PRAMEF15: variants seen among roughly 807,000 people sequenced by gnomAD.
The protein encoded by PRAMEF15 is PRAME family member 15, also known as PRAME family member 9/15.
PRAMEF15 carries 21 observed loss-of-function variants against 35.3 expected under a neutral mutation model. The ratio of observed to expected loss-of-function variants is 0.59; its 90% CI spans 0.42 to 0.86. PRAMEF15 has a LOEUF of 0.86. Ranked by LOEUF, PRAMEF15 falls within the 40% of genes least tolerant of loss-of-function variation. The pLI, the probability that PRAMEF15 is intolerant of heterozygous loss-of-function variation, is 0.00. For synonymous variants in PRAMEF15, 122 were observed against 223.3 expected, an observed-to-expected ratio of 0.55 and a Z score of 4.05; for missense variants, 360 against 574.1, an observed-to-expected ratio of 0.63 and a Z score of 3.81.
chr1:13,321,022 G>A (rs1261581178), intron 3 of PRAMEF15, among the ~76,000 whole-genome samples: 3 of 151,978 alleles, frequency 2.0e-5, no homozygotes, highest in South Asian at 4.1e-4. Flanking sequence ...CCTACAGCCC[G>A]CCCACCCCAG....
At position 13,319,390 on chromosome 1, in the gene PRAMEF15, G is replaced by C; in HGVS notation, c.312G>C (p.Val104=). The C allele has an allele frequency of 1.2e-6, 2 of 1,611,404 alleles. No homozygotes were observed. Among genetic ancestry groups the C allele is most frequent in the Non-Finnish European group, 1.7e-6 (2 of 1,179,826 alleles). Residue 104 remains valine, a synonymous_variant, in exon 3 of 4, where the codon GTG becomes GTC. Transcript: ENST00000376152. The part of the protein sequence containing the change: ...GVRPRRWKLQ[V]LDLQDVCENF... ...GCCACAGGAGGTGGAAACTCCAAGT[G>C]CTGGATTTACAGGATGTCTGTGAGA...
rs1299727821 is a variant in PRAMEF15 at position 13,316,437 on chromosome 1, A to G, written c.-17+779A>G. Among the ~76,000 whole-genome samples the G allele has an allele frequency of 2.8e-3, 424 of 151,634 alleles. 5 individuals are homozygous for G. The highest frequency in any genetic ancestry group is 4.3e-3 in the Non-Finnish European group (294 of 67,992). On this transcript the variant is annotated intron_variant, in intron 1 of 3. Transcript: ENST00000376152. ...AGAGACACTCTGTCCAAAAACAAAA[A>G]CAAAATCAATCAAAAAGGATCTTTG... is the stretch of plus-strand genomic sequence containing the variant.
At chr1:13,318,264 G>A in intron 1 of PRAMEF15, 128 bp from the exon 2 acceptor site, 1 of 1,517,308 alleles carries the variant, frequency 6.6e-7, no homozygotes, top group Non-Finnish European at 9.0e-7. Flanking sequence ...TGAGTACAGA[G>A]TAGAATTGGA....
At chr1:13,321,241 G>A (rs1283178578) in intron 3 of PRAMEF15, among the ~76,000 whole-genome samples, 15 of 140,696 alleles carry the variant, frequency 1.1e-4, no homozygotes, top group Non-Finnish European at 3.1e-5. Flanking sequence ...TCAAAACAGA[G>A]TCTCTCTCTG....
intron 3 of PRAMEF15, among the ~76,000 whole-genome samples, chr1:13,320,955 A>C (rs1192750308): frequency 6.6e-6 from 1 of 152,102 alleles, no homozygotes; most frequent in African/African-American, 2.4e-5. Context: ...GGGAGCAGGC[A>C]CAAAGAATGG....
chr1:13,317,568 G>A (rs1414066925), intron 1 of PRAMEF15, among the ~76,000 whole-genome samples: 1 of 151,910 alleles, frequency 6.6e-6, no homozygotes, highest in Non-Finnish European at 1.5e-5. Context: ...AGGAGTTCAA[G>A]ACCAGCTTGG....
At chr1:13,316,653 C>A (rs1640009365) in intron 1 of PRAMEF15, among the ~76,000 whole-genome samples, 1 of 151,768 alleles carries the variant, frequency 6.6e-6, no homozygotes, top group Non-Finnish European at 1.5e-5. Context: ...AGACTCAGCT[C>A]CCTCAGCACC....
At chr1:13,316,663 CA>C (rs1200268843) in intron 1 of PRAMEF15, among the ~76,000 whole-genome samples, 3 of 151,326 alleles carry the variant, frequency 2.0e-5, no homozygotes, top group Non-Finnish European at 4.4e-5. Context: ...CCCTCAGCAC[CA>C]AAAAAAATTA....
At chr1:13,315,830 A>C (rs1481861774) in intron 1 of PRAMEF15, among the ~76,000 whole-genome samples, 172 bp downstream of exon 1, 2 of 145,770 alleles carry the variant, frequency 1.4e-5, no homozygotes, top group Admixed American at 6.9e-5. Flanking sequence ...TTCTGTCTTT[A>C]TTTCAAAAAA....
rs1245720516 is a variant in PRAMEF15, at chr1:13,319,403, G to A, written c.325G>A (p.Asp109Asn). ...GAAACTCCAAGTGCTGGATTTACAG[G>A]ATGTCTGTGAGAACTTCTGGATGGT... Reference protein sequence around the residue: ...RWKLQVLDLQDVCENFWMVWS... With the variant: ...RWKLQVLDLQNVCENFWMVWS... Residue 109 changes from aspartate to asparagine, a missense_variant, in exon 3 of 4, where the codon GAT becomes AAT. Asp to Asn is a conservative substitution (Grantham distance 23). This residue lies in a region of PRAMEF15 where 44 missense variants were observed against 25.9 expected (regional missense o/e 1.70). Transcript: ENST00000376152. The A allele has an allele frequency of 6.2e-7, 1 of 1,611,942 alleles. No homozygotes were observed. The highest frequency in any genetic ancestry group is 8.5e-7 in the Non-Finnish European group (1 of 1,179,826).
chr1:13,316,570 G>T (rs1478347561), intron 1 of PRAMEF15, among the ~76,000 whole-genome samples: 2 of 151,944 alleles, frequency 1.3e-5, no homozygotes, highest in Non-Finnish European at 2.9e-5. Context: ...CATGAGAATT[G>T]CTTGAATCTT....
In PRAMEF15 at chr1:13,318,696, C is replaced by T. The variant is rs1640039248; in HGVS notation, c.289C>T (p.Pro97Ser). The T allele has an allele frequency of 9.3e-6, 15 of 1,613,232 alleles. No homozygotes were observed. In the East Asian group the frequency reaches 3.1e-4, roughly 34 times the overall value. Reference sequence around the variant, plus strand: ...TGCACTGCTTACCCAAGGGGTTCGTCCCAGGTGAGGTGGCCCAGGTGGGCT... The same window carrying T: ...TGCACTGCTTACCCAAGGGGTTCGTTCCAGGTGAGGTGGCCCAGGTGGGCT... ...LDALLTQGVR[P>S]RRWKLQVLDL... The change falls in exon 2 of 4, where the codon CCC becomes TCC. Residue 97 changes from proline to serine, a missense_variant. By Grantham distance (74) the Pro-to-Ser change is moderately conservative (BLOSUM62 -1). Around this residue, in one of 8 missense-constraint regions of PRAMEF15, gnomAD observed 44 missense variants for 25.9 expected, o/e 1.70. Transcript: ENST00000376152.
chr1:13,317,376 G>T (rs1300600602), intron 1 of PRAMEF15, among the ~76,000 whole-genome samples: 1 of 151,720 alleles, frequency 6.6e-6, no homozygotes, highest in African/African-American at 2.4e-5. Context: ...AGCCAAAATG[G>T]TTCAGTTTGA....
chr1:13,317,323 G>C (rs1339113289), intron 1 of PRAMEF15, among the ~76,000 whole-genome samples: 3 of 151,838 alleles, frequency 2.0e-5, no homozygotes, highest in Non-Finnish European at 4.4e-5. Flanking sequence ...ACCTGCCTCG[G>C]CCTCACAAAA....
chr1:13,322,489 G>C lies in PRAMEF15; in HGVS notation c.*225G>C. On this transcript the variant is annotated 3_prime_UTR_variant, in exon 4 of 4. Coordinates refer to ENST00000376152, the MANE Select transcript of PRAMEF15 (RefSeq NM_001098376.3). The stretch of plus-strand genomic sequence containing the variant: ...ACCTGTGTCCTGTAGATTCGAAAAT[G>C]GGAATCTGAATGTCTAGAGTGGAAT... 1 of 749,640 alleles carries C rather than the reference G, an allele frequency of 1.3e-6. No individual in the cohort carries two copies. Among genetic ancestry groups the C allele is most frequent in the South Asian group, 1.9e-5 (1 of 52,088 alleles). 46.4% of individuals were successfully genotyped at this position (749,640 alleles called of 1,614,324 possible). A position where few individuals can be genotyped will look rare whatever the true frequency, so the allele number is the denominator to read the frequency against.
intron 2 of PRAMEF15, among the ~76,000 whole-genome samples, 200 bp from the exon 3 acceptor site, chr1:13,319,172 C>T (rs879014156): frequency 4.1e-5 from 6 of 146,998 alleles, no homozygotes; most frequent in Admixed American, 2.1e-4. Context: ...CTAGCCTGGG[C>T]GACACAGGGA....
chr1:13,319,197 A>G (rs1640047443), intron 2 of PRAMEF15, among the ~76,000 whole-genome samples, 175 bp from the exon 3 acceptor site: 1 of 137,420 alleles, frequency 7.3e-6, no homozygotes, highest in Non-Finnish European at 1.6e-5. Flanking sequence ...TGGTCTCAAA[A>G]AAAAAAAAAA....
chr1:13,318,735 C>G (rs1640039745), intron 2 of PRAMEF15, 35 bp downstream of exon 2: 1 of 1,611,882 alleles, frequency 6.2e-7, no homozygotes, highest in African/African-American at 1.3e-5. Context: ...GGGGAGGGCC[C>G]AGGTGTCCAA....
intron 1 of PRAMEF15, among the ~76,000 whole-genome samples, chr1:13,316,729 A>G (rs1458265443): frequency 1.3e-5 from 2 of 151,868 alleles, no homozygotes; most frequent in Non-Finnish European, 2.9e-5. Context: ...TTTCTTAGGG[A>G]CTGTCATCTC....
Sources: allele counts gnomAD v4.1 joint callset (sites outside exome capture counted in the v4.1 genomes callset), GRCh38; gene constraint gnomAD v4.1.1; regional missense constraint gnomAD v4.1.1; transcripts MANE v1.5; gene names NCBI Gene and HGNC (gene_info 2026-07-23, HGNC 2026-07-21).